The following EFCAB11 variants were observed in gnomAD, a reference collection of about 807,000 sequenced individuals.
EFCAB11 encodes EF-hand calcium-binding domain-containing protein 11.
In EFCAB11, 14 loss-of-function variants were observed where a neutral mutation model predicts 23.0. The ratio of observed to expected loss-of-function variants is 0.61; its 90% CI spans 0.40 to 0.95. The LOEUF is 0.95. Among genes scored for constraint, EFCAB11 ranks in the 40% least tolerant of loss-of-function variants. EFCAB11 has a pLI of 0.00. For missense variants in EFCAB11, 198 were observed against 195.8 expected (o/e 1.01, Z -0.07); for synonymous variants, 65 against 66.6 (o/e 0.98, Z 0.11).
At chr14:89,909,771 A>T (rs1889612211) in intron 5 of EFCAB11, among the ~76,000 whole-genome samples, 2 of 152,244 alleles carry the variant, frequency 1.3e-5, no homozygotes, top group African/African-American at 4.8e-5. Context: ...GGTGTATTTG[A>T]TAGTAGGCTA....
intron 5 of EFCAB11, among the ~76,000 whole-genome samples, chr14:89,879,921 C>T (rs776605845): frequency 5.9e-5 from 9 of 152,256 alleles, no homozygotes; most frequent in East Asian, 1.9e-4. Context: ...AAATTCATTA[C>T]GTATAAACTC....
At chr14:89,952,437 T>C in intron 2 of EFCAB11, 1 of 985,408 alleles carries the variant, frequency 1.0e-6, no homozygotes, top group East Asian at 1.1e-4. Flanking sequence ...GGCTGACTCT[T>C]TTCAGCTGAC....
In EFCAB11 at chr14:89,886,324, T is replaced by C. The variant is rs545233719; in HGVS notation, c.410+45217A>G. Among the ~76,000 whole-genome samples, 3 of 152,092 alleles carry C rather than the reference T, an allele frequency of 2.0e-5. No homozygotes were observed. In the East Asian group the frequency reaches 5.8e-4, roughly 29 times the overall value. On this transcript the variant is annotated intron_variant, in intron 5 of 5. Coordinates refer to ENST00000316738, the MANE Select transcript of EFCAB11 (RefSeq NM_145231.4). ...CGAGGTCAGGAGATCAAGACCATCC[T>C]GGCCAACTCTGTGAAACCCCGTCTC...
chr14:89,898,837 A>G (rs1889255536), intron 5 of EFCAB11, among the ~76,000 whole-genome samples: 2 of 149,290 alleles, frequency 1.3e-5, no homozygotes, highest in South Asian at 4.2e-4. Context: ...ATGCCCAGCT[A>G]ATTTTTTTTC....
At chr14:89,841,296 A>G (rs1266753332) in intron 5 of EFCAB11, among the ~76,000 whole-genome samples, 2 of 151,506 alleles carry the variant, frequency 1.3e-5, no homozygotes, top group Non-Finnish European at 2.9e-5. Flanking sequence ...CCATTCTAAC[A>G]ATTTCCCCTT....
At chr14:89,924,739 G>T in intron 5 of EFCAB11, 1 of 1,522,132 alleles carries the variant, frequency 6.6e-7, no homozygotes, top group South Asian at 1.2e-5. Flanking sequence ...GTAGACAGAG[G>T]AAAATGGAAA....
chr14:89,922,528 C>T lies in EFCAB11; in HGVS notation c.410+9013G>A, dbSNP rs906810778. ...AAAATGGGTCAGAGGCAGAGCTGGGCCTAGAACTCATCCTGGGGCTTGACT... is the reference window on the plus strand; with the variant it reads ...AAAATGGGTCAGAGGCAGAGCTGGGTCTAGAACTCATCCTGGGGCTTGACT... On this transcript the variant is annotated intron_variant, in intron 5 of 5. Coordinates refer to ENST00000316738, the MANE Select transcript of EFCAB11 (RefSeq NM_145231.4). Among the ~76,000 whole-genome samples, 6 of 152,254 alleles carry T rather than the reference C, an allele frequency of 3.9e-5. No individual in the cohort carries two copies. In the East Asian group the frequency reaches 5.8e-4, roughly 15 times the overall value.
intron 3 of EFCAB11, 133 bp downstream of exon 3, chr14:89,949,964 A>G: frequency 3.1e-6 from 3 of 976,104 alleles, no homozygotes; most frequent in Non-Finnish European, 4.5e-6. Flanking sequence ...ACCCGCCCCC[A>G]TGATTCAGTT....
chr14:89,846,473 T>C (rs760797781), intron 5 of EFCAB11, among the ~76,000 whole-genome samples: 4 of 152,228 alleles, frequency 2.6e-5, no homozygotes, highest in Non-Finnish European at 5.9e-5. Flanking sequence ...AGGATACCAG[T>C]GCAAAGAGCT....
intron 5 of EFCAB11, among the ~76,000 whole-genome samples, chr14:89,863,490 C>T (rs973412981): frequency 6.6e-6 from 1 of 152,228 alleles, no homozygotes; most frequent in African/African-American, 2.4e-5. Context: ...TCCTCTCACC[C>T]CAGCAACTGC....
intron 5 of EFCAB11, among the ~76,000 whole-genome samples, chr14:89,896,445 C>G (rs1884332106): frequency 6.6e-6 from 1 of 151,886 alleles, no homozygotes; most frequent in African/African-American, 2.4e-5. Context: ...ACAGAATATA[C>G]TGTTGGTGGG....
intron 5 of EFCAB11, among the ~76,000 whole-genome samples, chr14:89,896,173 C>A (rs978930218): frequency 2.0e-5 from 3 of 152,198 alleles, no homozygotes; most frequent in Non-Finnish European, 4.4e-5. Flanking sequence ...ACCACGAGGT[C>A]AGGAGATGGA....
chr14:89,916,624 A>G (rs1306658849), intron 5 of EFCAB11, among the ~76,000 whole-genome samples: 1 of 152,210 alleles, frequency 6.6e-6, no homozygotes, highest in East Asian at 1.9e-4. Context: ...GATCAGATTA[A>G]TTCTATTCCT....
intron 5 of EFCAB11, chr14:89,836,510 CCACACAGTGTGT>C (rs1213274234): frequency 4.4e-6 from 2 of 455,638 alleles, no homozygotes; most frequent in Admixed American, 4.7e-5. Context: ...GGCGGTGTGT[CCACACAGTGTGT>C]AAGGCTCTTC....
chr14:89,855,162 G>T (rs1479921053), intron 5 of EFCAB11, among the ~76,000 whole-genome samples: 1 of 151,776 alleles, frequency 6.6e-6, no homozygotes, highest in Non-Finnish European at 1.5e-5. Context: ...GCCTGAATAG[G>T]ACAGCTTCTT....
At chr14:89,908,437 C>T (rs536349495) in intron 5 of EFCAB11, among the ~76,000 whole-genome samples, 3 of 152,156 alleles carry the variant, frequency 2.0e-5, no homozygotes, top group Admixed American at 6.5e-5. Flanking sequence ...TATTACACCA[C>T]GAGTGGAAAA....
chr14:89,850,163 T>C (rs1436182813), intron 5 of EFCAB11, among the ~76,000 whole-genome samples: 2 of 152,206 alleles, frequency 1.3e-5, no homozygotes, highest in African/African-American at 4.8e-5. Flanking sequence ...GAATGTGTCA[T>C]GTAGTTTCAA....
chr14:89,916,468 A>T (rs1889848465), intron 5 of EFCAB11, among the ~76,000 whole-genome samples: 1 of 152,234 alleles, frequency 6.6e-6, no homozygotes, highest in South Asian at 2.1e-4. Flanking sequence ...ACAAATGTGT[A>T]CTCAATTCAT....
chr14:89,876,277 G>A (rs970785192), intron 5 of EFCAB11, among the ~76,000 whole-genome samples: 1 of 152,078 alleles, frequency 6.6e-6, no homozygotes, highest in Admixed American at 6.5e-5. Flanking sequence ...AAAAGAGGAG[G>A]AGGAGGAGAT....
Sources: gnomAD v4.1 joint callset for allele counts (sites outside exome capture counted in the v4.1 genomes callset) on GRCh38, gnomAD v4.1.1 for gene constraint, MANE v1.5 for transcripts, NCBI Gene and HGNC (gene_info 2026-07-23, HGNC 2026-07-21) for gene names.